DLG2: variants seen among roughly 807,000 people sequenced by gnomAD.
The protein encoded by DLG2 is disks large homolog 2.
A neutral mutation model predicts 132.5 loss-of-function variants in DLG2; 45 were observed. That is an observed-to-expected ratio of 0.34 (90% CI 0.27 to 0.44). The LOEUF is 0.44. DLG2 is among the 20% of genes least tolerant of loss of function. DLG2 has a pLI of 1.00. For synonymous variants in DLG2, 424 were observed against 419.6 expected (o/e 1.01, Z -0.13); for missense variants, 1,045 against 1,196.9 (o/e 0.87, Z 1.87).
At chr11:85,123,242 G>T (rs1353552444) in intron 5 of DLG2, among the ~76,000 whole-genome samples, 2 of 151,850 alleles carry the variant, frequency 1.3e-5, no homozygotes, top group Admixed American at 6.6e-5. Flanking sequence ...CTCCCAAAGT[G>T]CTGGGATTAC....
At chr11:84,420,023 G>C (rs983224604) in intron 7 of DLG2, among the ~76,000 whole-genome samples, 4 of 152,296 alleles carry the variant, frequency 2.6e-5, no homozygotes, top group African/African-American at 9.6e-5. Context: ...ACAGGAAAGA[G>C]AAACCTTCGT....
intron 6 of DLG2, among the ~76,000 whole-genome samples, chr11:84,549,357 G>T (rs985846494): frequency 1.3e-5 from 2 of 152,162 alleles, no homozygotes; most frequent in Non-Finnish European, 2.9e-5. Context: ...GATCTTGTGG[G>T]CAGTCCCTGT....
chr11:83,733,818 T>C (rs1320658171), intron 18 of DLG2, among the ~76,000 whole-genome samples: 1 of 152,214 alleles, frequency 6.6e-6, no homozygotes, highest in African/African-American at 2.4e-5. Context: ...TTTTGTTACA[T>C]GGATATATTG....
At chr11:85,177,486 C>T (rs970646763) in intron 4 of DLG2, among the ~76,000 whole-genome samples, 11 of 151,994 alleles carry the variant, frequency 7.2e-5, no homozygotes, top group Non-Finnish European at 1.6e-4. Context: ...CACATGGACA[C>T]ATGCAGGGGA....
chr11:84,351,582 G>A (rs1260023768), intron 7 of DLG2, among the ~76,000 whole-genome samples: 1 of 152,102 alleles, frequency 6.6e-6, no homozygotes, highest in African/African-American at 2.4e-5. Context: ...AACAGCATTT[G>A]ATTTATTGAT....
intron 6 of DLG2, among the ~76,000 whole-genome samples, chr11:84,932,918 G>C (rs905671539): frequency 6.6e-6 from 1 of 152,238 alleles, no homozygotes; most frequent in African/African-American, 2.4e-5. Flanking sequence ...TCTGGTTCTA[G>C]ATCCTTGAGG....
At chr11:84,501,726 A>G (rs1400974203) in intron 7 of DLG2, among the ~76,000 whole-genome samples, 1 of 152,248 alleles carries the variant, frequency 6.6e-6, no homozygotes, top group Non-Finnish European at 1.5e-5. Context: ...ATAATGAAAA[A>G]AAATGGATTA....
chr11:84,685,933 T>C (rs11234126), intron 6 of DLG2, among the ~76,000 whole-genome samples: 19,822 of 152,202 alleles, frequency 0.13, 1,616 homozygotes, highest in African/African-American at 0.22. Context: ...GTGATCCGCC[T>C]GCCTCGGCCT....
At chr11:83,668,218 A>G (rs1203824723) in intron 18 of DLG2, among the ~76,000 whole-genome samples, 1 of 152,126 alleles carries the variant, frequency 6.6e-6, no homozygotes, top group East Asian at 1.9e-4. Flanking sequence ...TTATGTAGAA[A>G]CAAGGTAGAA....
intron 4 of DLG2, among the ~76,000 whole-genome samples, chr11:85,197,611 T>G (rs2081165833): frequency 6.6e-6 from 1 of 152,210 alleles, no homozygotes; most frequent in South Asian, 2.1e-4. Flanking sequence ...ATGTTAAGTC[T>G]AGATTTCTAG....
chr11:85,024,252 G>A (rs972527259), intron 6 of DLG2, among the ~76,000 whole-genome samples: 2 of 152,080 alleles, frequency 1.3e-5, no homozygotes, highest in African/African-American at 4.8e-5. Flanking sequence ...TTAGAAACTA[G>A]GCCAAGCAAC....
At position 84,804,350 on chromosome 11, in the gene DLG2, A is replaced by G. The variant is rs887037729; in HGVS notation, c.358-269619T>C. On this transcript the variant is annotated intron_variant, in intron 6 of 27. Coordinates refer to ENST00000376104, the MANE Select transcript of DLG2 (RefSeq NM_001142699.3). ...TGCCAAGTGCTAAATGCCAAGTGCT[A>G]AACAAATCAGAAAAGGCAAAAGGAA... 3.3e-5 allele frequency among the ~76,000 whole-genome samples: 5 copies of G among 152,362 alleles called. No individual in the cohort carries two copies. In the East Asian group the frequency reaches 9.6e-4, roughly 29 times the overall value.
At chr11:85,512,620 G>T (rs1229208447) in intron 3 of DLG2, among the ~76,000 whole-genome samples, 1 of 151,918 alleles carries the variant, frequency 6.6e-6, no homozygotes, top group East Asian at 1.9e-4. Context: ...GTTTATTCTT[G>T]CTCAGTGTGA....
intron 18 of DLG2, among the ~76,000 whole-genome samples, chr11:83,673,303 T>G (rs1442339790): frequency 2.0e-5 from 3 of 152,192 alleles, no homozygotes; most frequent in Non-Finnish European, 2.9e-5. Context: ...CATTTAAAGA[T>G]GGAAAGCAAC....
Position 83,566,130 on chromosome 11 carries a change from T to C in DLG2, c.1941-24272A>G, listed in dbSNP as rs142749702. 6.6e-4 allele frequency among the ~76,000 whole-genome samples: 100 copies of C among 152,314 alleles called. No homozygotes were observed. The East Asian group carries it at 0.016, about 24-fold the overall frequency. On this transcript the variant is annotated intron_variant, in intron 19 of 27. Transcript: ENST00000376104. ...TCCCAGAAGAAGGGTACACAAGAAA[T>C]GTGTGGCTTAAAATTCACCTTTTAG...
At chr11:84,326,214 C>A (rs2098431152) in intron 7 of DLG2, among the ~76,000 whole-genome samples, 2 of 151,452 alleles carry the variant, frequency 1.3e-5, no homozygotes, top group East Asian at 3.9e-4. Flanking sequence ...TGATTTTTTT[C>A]TTTTAATTTT....
intron 8 of DLG2, among the ~76,000 whole-genome samples, chr11:84,176,576 A>G (rs570104785): frequency 6.6e-6 from 1 of 152,110 alleles, no homozygotes; most frequent in South Asian, 2.1e-4. Context: ...TTTCAAAGAA[A>G]AATGTAGAAG....
chr11:84,335,556 C>T (rs559331309), intron 7 of DLG2, among the ~76,000 whole-genome samples: 6 of 152,294 alleles, frequency 3.9e-5, no homozygotes, highest in South Asian at 2.1e-4. Flanking sequence ...TGATGATTTA[C>T]GTTTTCCAAC....
Position 84,197,907 on chromosome 11 carries a change from G to A in DLG2, c.574-34396C>T, listed in dbSNP as rs141002562. Among the ~76,000 whole-genome samples the A allele has an allele frequency of 4.1e-3, 630 of 152,222 alleles. 2 individuals carry two copies. The highest frequency in any genetic ancestry group is 6.7e-3 in the Non-Finnish European group (455 of 67,998). On this transcript the variant is annotated intron_variant, in intron 8 of 27. Transcript: ENST00000376104. ...CAGAATAATTACATATGGGGATATAGGATTTAGAGGGATGGCTTCAGCGGC... is the reference window on the plus strand; with the variant it reads ...CAGAATAATTACATATGGGGATATAAGATTTAGAGGGATGGCTTCAGCGGC...
Sources: allele counts gnomAD v4.1 joint callset (sites outside exome capture counted in the v4.1 genomes callset), GRCh38; gene constraint gnomAD v4.1.1; transcripts MANE v1.5; gene names NCBI Gene and HGNC (gene_info 2026-07-23, HGNC 2026-07-21).